NCKAP5: variants seen among roughly 807,000 people sequenced by gnomAD.
NCKAP5 encodes the protein NCK associated protein 5.
NCKAP5 carries 92 observed loss-of-function variants against 167.0 expected under a neutral mutation model. The ratio of observed to expected loss-of-function variants is 0.55; its 90% CI spans 0.47 to 0.66. NCKAP5 has a LOEUF of 0.66. Ranked by LOEUF, NCKAP5 falls within the 30% of genes least tolerant of loss-of-function variation. The pLI is 0.00. For synonymous variants in NCKAP5, 891 were observed against 877.4 expected, an observed-to-expected ratio of 1.02 and a Z score of -0.27; for missense variants, 2,378 against 2,315.0, an observed-to-expected ratio of 1.03 and a Z score of -0.56.
intron 3 of NCKAP5, among the ~76,000 whole-genome samples, chr2:133,442,192 G>T (rs933676027): frequency 1.3e-5 from 2 of 152,142 alleles, no homozygotes; most frequent in Non-Finnish European, 2.9e-5. Flanking sequence ...TAAGAGTCAG[G>T]TACTGGAATC....
intron 6 of NCKAP5, among the ~76,000 whole-genome samples, chr2:133,002,380 T>A (rs1274317745): frequency 1.3e-5 from 2 of 152,162 alleles, no homozygotes; most frequent in African/African-American, 2.4e-5. Flanking sequence ...TCAAATAGAA[T>A]AATTATGACA....
chr2:132,955,627 T>TG (rs1337267275), intron 8 of NCKAP5, among the ~76,000 whole-genome samples: 2 of 152,308 alleles, frequency 1.3e-5, no homozygotes, highest in Admixed American at 6.5e-5. Flanking sequence ...TACATGTGCA[T>TG]GTGTCTTTAT....
In NCKAP5 at chr2:133,323,552, C is replaced by T. The variant is rs539742532; in HGVS notation, c.70-20442G>A. 3.9e-5 allele frequency among the ~76,000 whole-genome samples: 6 copies of T among 152,320 alleles called. No individual in the cohort carries two copies. In the East Asian group the frequency reaches 1.2e-3, roughly 29 times the overall value. On this transcript the variant is annotated intron_variant, in intron 3 of 19. Transcript: ENST00000409261. ...TGCGAACTATATGACTGGTTCCTAACAAAAGTTAATGGATTAAATACAAAA... is the reference window on the plus strand; with the variant it reads ...TGCGAACTATATGACTGGTTCCTAATAAAAGTTAATGGATTAAATACAAAA...
intron 4 of NCKAP5, among the ~76,000 whole-genome samples, chr2:133,285,464 A>C (rs1679040805): frequency 6.6e-6 from 1 of 152,166 alleles, no homozygotes; most frequent in Admixed American, 6.5e-5. Context: ...GCAATGAGCT[A>C]GAAAAATAAA....
chr2:133,284,913 C>G (rs575333452), intron 4 of NCKAP5, among the ~76,000 whole-genome samples: 3 of 152,344 alleles, frequency 2.0e-5, no homozygotes, highest in Admixed American at 6.5e-5. Flanking sequence ...TCTCTTCTCA[C>G]TGCATTATAA....
intron 19 of NCKAP5, among the ~76,000 whole-genome samples, chr2:132,685,472 C>T (rs1170419586): frequency 1.3e-5 from 2 of 152,124 alleles, no homozygotes; most frequent in African/African-American, 2.4e-5. Flanking sequence ...TACCCAGTAA[C>T]GTCGGAAATG....
intron 2 of NCKAP5, among the ~76,000 whole-genome samples, chr2:133,555,916 C>T (rs1002813146): frequency 6.6e-6 from 1 of 152,148 alleles, no homozygotes; most frequent in East Asian, 1.9e-4. Flanking sequence ...GTGGCAGAGT[C>T]ACACAATGGA....
At chr2:133,270,931 C>G (rs1985935) in intron 4 of NCKAP5, among the ~76,000 whole-genome samples, 1 of 84,852 alleles carries the variant, frequency 1.2e-5, no homozygotes, top group Admixed American at 1.4e-4. Flanking sequence ...TTTTTTTTTT[C>G]TTTTTTGAGA....
intron 6 of NCKAP5, among the ~76,000 whole-genome samples, chr2:133,029,864 G>A (rs1273421501): frequency 1.3e-5 from 2 of 152,038 alleles, no homozygotes; most frequent in African/African-American, 2.4e-5. Flanking sequence ...AGCTATAATC[G>A]ATTTTGGAAA....
intron 11 of NCKAP5, among the ~76,000 whole-genome samples, chr2:132,852,271 G>C (rs1186360435): frequency 6.6e-6 from 1 of 152,148 alleles, no homozygotes; most frequent in African/African-American, 2.4e-5. Flanking sequence ...TATATCGCCT[G>C]AATGTTTCAT....
chr2:133,054,533 T>G (rs187840590), intron 6 of NCKAP5, among the ~76,000 whole-genome samples: 1 of 152,274 alleles, frequency 6.6e-6, no homozygotes, highest in African/African-American at 2.4e-5. Context: ...TTGGTTTGCC[T>G]CTGAGTGTTT....
intron 3 of NCKAP5, among the ~76,000 whole-genome samples, chr2:133,328,440 G>C (rs142227177): frequency 1.3e-5 from 2 of 152,142 alleles, no homozygotes; most frequent in Non-Finnish European, 2.9e-5. Context: ...TACATTTTAG[G>C]GGGGAAAGCC....
chr2:132,782,938 G>A lies in NCKAP5; in HGVS notation c.3873C>T (p.Ile1291=), dbSNP rs370897401. 4.5e-5 allele frequency: 73 copies of A among 1,613,886 alleles called. No homozygotes were observed. Among genetic ancestry groups the A allele is most frequent in the Middle Eastern group, 1.6e-4 (1 of 6,084 alleles). The part of the protein sequence containing the change: ...HSGDKPSTPP[I]EGSGKVRTQI... Reference sequence around the variant, plus strand: ...GAGTGCGGACTTTGCCTGACCCTTCGATGGGGGGCGTAGAAGGCTTGTCTC... The same window carrying A: ...GAGTGCGGACTTTGCCTGACCCTTCAATGGGGGGCGTAGAAGGCTTGTCTC... Residue 1291 remains isoleucine, a synonymous_variant, in exon 14 of 20, where the codon ATC becomes ATT. Transcript: ENST00000409261.
chr2:133,032,648 G>A (rs1446010099), intron 6 of NCKAP5, among the ~76,000 whole-genome samples: 1 of 152,168 alleles, frequency 6.6e-6, no homozygotes, highest in East Asian at 1.9e-4. Flanking sequence ...GGTTACAGCA[G>A]GTCTCGGGCG....
chr2:132,974,269 A>G (rs2076914116), intron 7 of NCKAP5, among the ~76,000 whole-genome samples: 2 of 152,226 alleles, frequency 1.3e-5, no homozygotes, highest in Non-Finnish European at 1.5e-5. Context: ...CATGTGTCAA[A>G]TCCACCTACT....
intron 11 of NCKAP5, among the ~76,000 whole-genome samples, chr2:132,849,645 T>C (rs1273730882): frequency 6.6e-6 from 1 of 152,168 alleles, no homozygotes; most frequent in East Asian, 1.9e-4. Flanking sequence ...CTTCTAACAT[T>C]AAGGTACTAG....
At chr2:133,360,243 G>C (rs1415443115) in intron 3 of NCKAP5, among the ~76,000 whole-genome samples, 1 of 152,166 alleles carries the variant, frequency 6.6e-6, no homozygotes, top group Non-Finnish European at 1.5e-5. Context: ...GATGAATTCG[G>C]CAGCTTGTCA....
chr2:132,988,117 C>A (rs2077343124), intron 7 of NCKAP5, among the ~76,000 whole-genome samples: 1 of 152,104 alleles, frequency 6.6e-6, no homozygotes, highest in Non-Finnish European at 1.5e-5. Context: ...AAAATCCCAG[C>A]ATTCTAAGAG....
At chr2:133,335,799 T>C (rs778185942) in intron 3 of NCKAP5, among the ~76,000 whole-genome samples, 3 of 152,192 alleles carry the variant, frequency 2.0e-5, no homozygotes, top group Non-Finnish European at 4.4e-5. Context: ...GTGAAGTAAT[T>C]AGAACTGATA....
Sources: gnomAD v4.1 joint callset for allele counts (sites outside exome capture counted in the v4.1 genomes callset) on GRCh38, gnomAD v4.1.1 for gene constraint, MANE v1.5 for transcripts, NCBI Gene and HGNC (gene_info 2026-07-23, HGNC 2026-07-21) for gene names.